The following RPP40 variants were observed in gnomAD, a reference collection of about 807,000 sequenced individuals.
RPP40 encodes the protein ribonuclease P/MRP subunit p40.
RPP40 carries 30 observed loss-of-function variants against 42.5 expected under a neutral mutation model. That is an observed-to-expected ratio of 0.71 (90% CI 0.53 to 0.96). The LOEUF (loss-of-function observed/expected upper bound fraction) is 0.96. RPP40 is among the 40% of genes least tolerant of loss of function. RPP40 has a pLI of 0.00. For missense variants in RPP40, 426 were observed against 433.5 expected (o/e 0.98, Z 0.15); for synonymous variants, 173 against 164.0 (o/e 1.05, Z -0.42).
At chr6:4,989,698 T>C in the RPP40 span, among the ~76,000 whole-genome samples, 2 of 152,230 alleles carry the variant, frequency 1.3e-5, no homozygotes, top group African/African-American at 2.4e-5. Flanking sequence ...AAAGGTAGTA[T>C]TGTTTATGTG....
At chr6:4,989,506 T>C in the RPP40 span, among the ~76,000 whole-genome samples, 8 of 152,188 alleles carry the variant, frequency 5.3e-5, no homozygotes, top group African/African-American at 1.9e-4. Flanking sequence ...GTATTAAATC[T>C]ATATTGAATC....
intron 5 of RPP40, among the ~76,000 whole-genome samples, chr6:4,997,914 C>A (rs531524401): frequency 6.6e-6 from 1 of 152,200 alleles, no homozygotes; most frequent in Non-Finnish European, 1.5e-5. Context: ...CAGAATCCAA[C>A]GTCTGGATGA....
intron 3 of RPP40, 36 bp downstream of exon 3, chr6:5,000,527 T>A: frequency 3.3e-6 from 4 of 1,221,512 alleles, no homozygotes; most frequent in Non-Finnish European, 4.7e-6. Context: ...CATTTTTTTT[T>A]AACAATTAAA....
intron 4 of RPP40, among the ~76,000 whole-genome samples, chr6:4,999,436 C>T (rs1467143471): frequency 2.0e-5 from 3 of 151,578 alleles, no homozygotes; most frequent in South Asian, 2.1e-4. Context: ...GTAGCTGGGA[C>T]TACAGGCATG....
In RPP40 at chr6:5,003,709, C is replaced by T. The variant is rs114358896; in HGVS notation, c.123+171G>A. On this transcript the variant is annotated intron_variant, in intron 1 of 7. Coordinates refer to ENST00000380051, the MANE Select transcript of RPP40 (RefSeq NM_006638.4). ...AGTTGTAGTCCTGTAGCCCTGCAAG[C>T]CACTGGCTTAGAGCAGTTAAGAGAC... 7.5e-3 allele frequency: 5,919 copies of T among 785,900 alleles called. 253 individuals are homozygous for T. The African/African-American group carries it at 0.094, about 12-fold the overall frequency. The allele number at this position is 785,900 out of a possible 1,614,324, so 48.7% of individuals were successfully genotyped here.
downstream of RPP40, among the ~76,000 whole-genome samples, chr6:4,990,671 G>A (rs62385116): frequency 2.4e-5 from 3 of 124,558 alleles, no homozygotes; most frequent in Admixed American, 8.4e-5. Flanking sequence ...TTTTTTTTTG[G>A]AATCTCGCTA....
At chr6:4,990,533 GA>G (rs1480809347), downstream of RPP40, among the ~76,000 whole-genome samples, 6 of 152,198 alleles carry the variant, frequency 3.9e-5, 1 homozygote, top group Admixed American at 3.3e-4. Context: ...AGCCAGGCTG[GA>G]GTGCAGTGGT....
At chr6:4,996,180 C>T (rs759067682) in intron 6 of RPP40, 42 bp downstream of exon 6, 4 of 1,606,306 alleles carry the variant, frequency 2.5e-6, no homozygotes, top group Admixed American at 3.4e-5. Flanking sequence ...AAACAAGCAG[C>T]AGGCCAGAGC....
chr6:5,000,134 T>C (rs1441459434), intron 3 of RPP40, among the ~76,000 whole-genome samples: 1 of 152,186 alleles, frequency 6.6e-6, no homozygotes, highest in Non-Finnish European at 1.5e-5. Context: ...TTTAAAATAA[T>C]CTGAATTTCT....
chr6:5,002,370 C>T (rs769115719), intron 1 of RPP40, 125 bp from the exon 2 acceptor site: 9 of 695,430 alleles, frequency 1.3e-5, no homozygotes, highest in African/African-American at 4.3e-5. Context: ...CATAAAAACA[C>T]GGGCAACAAA....
rs932117321 is a variant in RPP40 at position 5,002,113 on chromosome 6, A to C, written c.256T>G (p.Phe86Val). Residue 86 changes from phenylalanine to valine, a missense_variant, in exon 2 of 8, where the codon TTT (phenylalanine) becomes GTT (valine). Physicochemically the swap from Phe to Val is conservative, Grantham distance 50. Coordinates refer to ENST00000380051, the MANE Select transcript of RPP40 (RefSeq NM_006638.4). ...AGGTTTTTCTTACCTTTCTTTATAA[A>C]GGTACTGATGAATTCAGGTGTAATT... ...ELITPEFIST[F>V]IKKGSCYALT... The C allele has an allele frequency of 2.5e-6, 4 of 1,612,400 alleles. No homozygotes were observed. The highest frequency in any genetic ancestry group is 3.4e-6 in the Non-Finnish European group (4 of 1,179,196).
intron 5 of RPP40, among the ~76,000 whole-genome samples, chr6:4,997,990 A>C (rs1759433085): frequency 6.6e-6 from 1 of 152,218 alleles, no homozygotes; most frequent in Non-Finnish European, 1.5e-5. Context: ...TCTATCTACC[A>C]TATATGGAAG....
In RPP40 at chr6:4,996,262, G is replaced by A. The variant is rs1324397525; in HGVS notation, c.718C>T (p.Leu240Phe). 6 of 1,614,068 alleles carry A rather than the reference G, an allele frequency of 3.7e-6. No homozygotes were observed. Among genetic ancestry groups the A allele is most frequent in the Admixed American group, 3.3e-5 (2 of 60,032 alleles). Reference sequence around the variant, plus strand: ...AAGACGGCGCCGAGCCAGTCGAAGAGCTCCAGAGCCCGGCAGGACACCTCT... The same window carrying A: ...AAGACGGCGCCGAGCCAGTCGAAGAACTCCAGAGCCCGGCAGGACACCTCT... ...TPEVSCRALE[L>F]FDWLGAVFSN... Residue 240 changes from leucine (L) to phenylalanine (F), a missense_variant, in exon 6 of 8, where the codon CTC becomes TTC. Physicochemically the swap from Leu to Phe is conservative, Grantham distance 22 (BLOSUM62 0). Transcript: ENST00000380051.
downstream of RPP40, among the ~76,000 whole-genome samples, chr6:4,992,311 G>A (rs1759272122): frequency 6.6e-6 from 1 of 150,550 alleles, no homozygotes; most frequent in African/African-American, 2.4e-5. Context: ...GGAGGTTGCA[G>A]TGAGCCGAGA....
intron 1 of RPP40, 66 bp from the exon 2 acceptor site, chr6:5,002,311 A>G: frequency 1.5e-6 from 2 of 1,306,732 alleles, no homozygotes; most frequent in Non-Finnish European, 2.1e-6. Flanking sequence ...GTTTTTAGGA[A>G]TGAAACAAAA....
At chr6:4,997,747 C>T (rs141323592) in intron 5 of RPP40, among the ~76,000 whole-genome samples, 1 of 152,282 alleles carries the variant, frequency 6.6e-6, no homozygotes, top group East Asian at 1.9e-4. Context: ...GGAATTAAGT[C>T]CTGTGTCTCT....
At chr6:5,003,209 T>C (rs1197744091) in intron 1 of RPP40, among the ~76,000 whole-genome samples, 7 of 150,996 alleles carry the variant, frequency 4.6e-5, no homozygotes, top group Admixed American at 4.6e-4. Flanking sequence ...TAGCCGGGCG[T>C]GGTGGCGCGC....
At chr6:4,991,192 A>G (rs1246978), downstream of RPP40, among the ~76,000 whole-genome samples, 45,326 of 151,744 alleles carry the variant, frequency 0.3, 7,321 homozygotes, top group African/African-American at 0.43. Context: ...GCTTACTTTG[A>G]GTTTTTCTCT....
chr6:4,999,858 T>G lies in RPP40; in HGVS notation c.384A>C (p.Gly128=). The change falls in exon 4 of 8, where the codon GGA becomes GGC. Residue 128 remains glycine (G), a synonymous_variant. Transcript: ENST00000380051. ...AAAACTGAGATGGATGACCCTGAAG[T>G]CCAGTTTCTTCATAAGTGTCTTTAT... ...SLDKDTYEET[G]LQGHPSQFSG... 6.2e-7 allele frequency: 1 copy of G among 1,610,068 alleles called. No individual in the cohort carries two copies. The highest frequency in any genetic ancestry group is 8.5e-7 in the Non-Finnish European group (1 of 1,176,652).
Sources: gnomAD v4.1 joint callset for allele counts (sites outside exome capture counted in the v4.1 genomes callset) on GRCh38, gnomAD v4.1.1 for gene constraint, MANE v1.5 for transcripts, NCBI Gene and HGNC (gene_info 2026-07-23, HGNC 2026-07-21) for gene names.